The following GABRB1 variants were observed in gnomAD, a reference collection of about 807,000 sequenced individuals.
GABRB1 encodes gamma-aminobutyric acid type A receptor subunit beta1.
GABRB1 carries 17 observed loss-of-function variants against 51.6 expected under a neutral mutation model. The ratio of observed to expected loss-of-function variants is 0.33; its 90% CI spans 0.23 to 0.49. GABRB1 has a LOEUF of 0.49. Ranked by LOEUF, GABRB1 falls within the 20% of genes least tolerant of loss-of-function variation. GABRB1 has a pLI of 0.99. For missense variants in GABRB1, 410 were observed against 600.6 expected, an observed-to-expected ratio of 0.68 and a Z score of 3.32; for synonymous variants, 247 against 218.9, an observed-to-expected ratio of 1.13 and a Z score of -1.14.
At chr4:47,295,812 T>G (rs1011394005) in intron 4 of GABRB1, among the ~76,000 whole-genome samples, 1 of 152,124 alleles carries the variant, frequency 6.6e-6, no homozygotes, top group Non-Finnish European at 1.5e-5. Flanking sequence ...ATTGTCAGAT[T>G]CACCAAAGTT....
At chr4:47,190,413 T>C (rs1719392887) in intron 4 of GABRB1, among the ~76,000 whole-genome samples, 1 of 152,094 alleles carries the variant, frequency 6.6e-6, no homozygotes, top group African/African-American at 2.4e-5. Flanking sequence ...ATTGTGCACA[T>C]ACTGGAAACC....
chr4:47,009,933 C>G (rs1378522881), intron 1 of GABRB1, among the ~76,000 whole-genome samples: 2 of 152,180 alleles, frequency 1.3e-5, no homozygotes, highest in Non-Finnish European at 2.9e-5. Context: ...GATGTGTATA[C>G]TTTGAAAGCT....
intron 3 of GABRB1, among the ~76,000 whole-genome samples, chr4:47,035,504 T>C (rs1301790029): frequency 6.6e-6 from 1 of 152,214 alleles, no homozygotes; most frequent in Non-Finnish European, 1.5e-5. Flanking sequence ...TTTGGCATCA[T>C]GGGATATACT....
At chr4:47,046,171 A>G (rs1726076587) in intron 3 of GABRB1, among the ~76,000 whole-genome samples, 1 of 152,106 alleles carries the variant, frequency 6.6e-6, no homozygotes, top group Admixed American at 6.6e-5. Context: ...AGGCCTCCCC[A>G]GCCATGTGGA....
intron 5 of GABRB1, among the ~76,000 whole-genome samples, chr4:47,356,818 C>T (rs1174342865): frequency 1.3e-5 from 2 of 151,984 alleles, no homozygotes; most frequent in African/African-American, 2.4e-5. Context: ...CTGATAAAAT[C>T]AGATTTTAAA....
chr4:47,233,110 A>G (rs917046402), intron 4 of GABRB1, among the ~76,000 whole-genome samples: 11 of 152,258 alleles, frequency 7.2e-5, no homozygotes, highest in South Asian at 2.1e-4. Context: ...TCCTGAGCTC[A>G]GGCAGTCCGC....
chr4:47,070,791 C>A (rs77574939), intron 3 of GABRB1, among the ~76,000 whole-genome samples: 5,650 of 152,204 alleles, frequency 0.037, 415 homozygotes, highest in East Asian at 0.17. Context: ...ATTCTTTAGA[C>A]CTTTTCTGTT....
At chr4:47,229,460 A>T (rs1297626952) in intron 4 of GABRB1, among the ~76,000 whole-genome samples, 2 of 152,156 alleles carry the variant, frequency 1.3e-5, no homozygotes, top group Non-Finnish European at 2.9e-5. Context: ...CTAGTAAGAA[A>T]ACGAGTGTAT....
chr4:47,095,653 A>G (rs925818258), intron 3 of GABRB1, among the ~76,000 whole-genome samples: 1 of 152,230 alleles, frequency 6.6e-6, no homozygotes, highest in Non-Finnish European at 1.5e-5. Context: ...ATTCACTTTC[A>G]TTAGCTGACA....
intron 4 of GABRB1, among the ~76,000 whole-genome samples, chr4:47,287,303 T>C (rs527554647): frequency 6.6e-6 from 1 of 152,384 alleles, no homozygotes; most frequent in Admixed American, 6.5e-5. Flanking sequence ...TTTAATTTTG[T>C]CCATGAGCCT....
intron 5 of GABRB1, among the ~76,000 whole-genome samples, chr4:47,400,130 C>T (rs1728326210): frequency 6.6e-6 from 1 of 152,124 alleles, no homozygotes; most frequent in South Asian, 2.1e-4. Flanking sequence ...AAATTGTCTT[C>T]CAAGCCACAG....
chr4:47,074,400 C>G (rs1218026937), intron 3 of GABRB1, among the ~76,000 whole-genome samples: 2 of 152,130 alleles, frequency 1.3e-5, no homozygotes, highest in Non-Finnish European at 2.9e-5. Context: ...TTGCATTAAA[C>G]TTTACAAAAT....
intron 3 of GABRB1, among the ~76,000 whole-genome samples, chr4:47,132,676 C>A (rs112774442): frequency 1.0e-3 from 156 of 152,222 alleles, no homozygotes; most frequent in South Asian, 2.5e-3. Flanking sequence ...AAACGCTCAA[C>A]GAATTTCTTG....
chr4:47,318,527 C>T (rs1281422618), intron 4 of GABRB1, among the ~76,000 whole-genome samples: 2 of 152,146 alleles, frequency 1.3e-5, no homozygotes, highest in Middle Eastern at 3.4e-3. Context: ...TAAGATTTAT[C>T]TCTGAAACTC....
At chr4:47,058,637 G>T (rs1368941934) in intron 3 of GABRB1, among the ~76,000 whole-genome samples, 7 of 152,184 alleles carry the variant, frequency 4.6e-5, no homozygotes, top group Non-Finnish European at 7.3e-5. Context: ...TGGGGGTAAT[G>T]CAGGCTGAGG....
chr4:47,397,917 A>T (rs892864136), intron 5 of GABRB1, among the ~76,000 whole-genome samples: 1 of 152,004 alleles, frequency 6.6e-6, no homozygotes, highest in Non-Finnish European at 1.5e-5. Flanking sequence ...TCTTTATTTT[A>T]ACTTTCAATT....
In GABRB1 at chr4:47,290,116, G is replaced by A. The variant is rs986131504; in HGVS notation, c.462-30011G>A. On this transcript the variant is annotated intron_variant, in intron 4 of 8. Transcript: ENST00000295454. ...CTAGATTAGTTAGATTCAAATTAATGAAATGCAGTTGTGGACTGATACAGT... is the reference window on the plus strand; with the variant it reads ...CTAGATTAGTTAGATTCAAATTAATAAAATGCAGTTGTGGACTGATACAGT... 2.0e-5 allele frequency among the ~76,000 whole-genome samples: 3 copies of A among 152,338 alleles called. No individual in the cohort carries two copies. In the East Asian group the frequency reaches 5.8e-4, roughly 29 times the overall value.
intron 3 of GABRB1, among the ~76,000 whole-genome samples, chr4:47,143,276 G>A (rs971141752): frequency 6.6e-6 from 1 of 151,882 alleles, no homozygotes; most frequent in African/African-American, 2.4e-5. Context: ...CACTGAGAGA[G>A]CAATGTCCTG....
intron 1 of GABRB1, among the ~76,000 whole-genome samples, chr4:47,016,745 T>C (rs1315234459): frequency 2.0e-5 from 3 of 151,940 alleles, no homozygotes; most frequent in Non-Finnish European, 2.9e-5. Flanking sequence ...CCGACCACCA[T>C]GCCCAGGCTA....
Sources: allele counts gnomAD v4.1 joint callset (sites outside exome capture counted in the v4.1 genomes callset), GRCh38; gene constraint gnomAD v4.1.1; transcripts MANE v1.5; gene names NCBI Gene and HGNC (gene_info 2026-07-23, HGNC 2026-07-21).